The following FAM171A1 variants were observed in gnomAD, a reference collection of about 807,000 sequenced individuals.
The protein encoded by FAM171A1 is family with sequence similarity 171 member A1, also known as protein FAM171A1.
In FAM171A1, 23 loss-of-function variants were observed where a neutral mutation model predicts 74.9. The observed-to-expected ratio is 0.31, with a 90% CI of 0.22 to 0.44. FAM171A1 has a LOEUF of 0.44. FAM171A1 is among the 20% of genes least tolerant of loss of function. The pLI is 1.00. For synonymous variants in FAM171A1, 527 were observed against 505.7 expected (o/e 1.04, Z -0.57); for missense variants, 1,162 against 1,159.2 (o/e 1.00, Z -0.03).
At chr10:15,312,115 A>T (rs1213095892) in intron 1 of FAM171A1, among the ~76,000 whole-genome samples, 1 of 152,206 alleles carries the variant, frequency 6.6e-6, no homozygotes, top group Non-Finnish European at 1.5e-5. Context: ...TGCACTTCCT[A>T]TTATACCAAA....
rs1388621550 is a variant in FAM171A1, at chr10:15,275,932, C to G, written c.341G>C (p.Ser114Thr). Residue 114 changes from serine (S) to threonine (T), a missense_variant, in exon 3 of 8, where the codon AGC (serine) becomes ACC (threonine). By Grantham distance (58) the Ser-to-Thr change is moderately conservative (BLOSUM62 1). Transcript: ENST00000378116. ...AGAGCGTTCTGGAAGCAGGCCAAGG[C>G]TCAGAGAGGAAAATACTGCAGGAAA... ...PIRLPVFSSL[S>T]LGLLPERSAT... 3 of 1,611,274 alleles carry G rather than the reference C, an allele frequency of 1.9e-6. No individual in the cohort carries two copies. The East Asian group carries it at 6.7e-5, about 36-fold the overall frequency.
intron 1 of FAM171A1, among the ~76,000 whole-genome samples, chr10:15,357,138 C>G (rs1043013269): frequency 2.6e-5 from 4 of 151,868 alleles, no homozygotes; most frequent in Admixed American, 6.6e-5. Context: ...AACATATTAG[C>G]CAGGCATGGT....
At chr10:15,221,724 T>A (rs919346939) in intron 5 of FAM171A1, among the ~76,000 whole-genome samples, 1 of 152,132 alleles carries the variant, frequency 6.6e-6, no homozygotes, top group African/African-American at 2.4e-5. Context: ...ATACGTGTCT[T>A]ATAATACACC....
chr10:15,257,932 G>C (rs1389948113), intron 3 of FAM171A1, among the ~76,000 whole-genome samples: 3 of 152,140 alleles, frequency 2.0e-5, no homozygotes, highest in South Asian at 2.1e-4. Context: ...TGATTGGGAG[G>C]GGGTGGCAGG....
intron 1 of FAM171A1, among the ~76,000 whole-genome samples, chr10:15,304,432 C>T (rs954923899): frequency 6.6e-6 from 1 of 152,164 alleles, no homozygotes; most frequent in Non-Finnish European, 1.5e-5. Context: ...CCAGGCCACC[C>T]TTCCCTGCCC....
At chr10:15,319,958 T>C (rs1835467389) in intron 1 of FAM171A1, among the ~76,000 whole-genome samples, 1 of 152,162 alleles carries the variant, frequency 6.6e-6, no homozygotes, top group African/African-American at 2.4e-5. Context: ...TTTTTAAACT[T>C]TTATTTCTTT....
chr10:15,273,993 C>T (rs1834861168), intron 3 of FAM171A1, among the ~76,000 whole-genome samples: 1 of 152,218 alleles, frequency 6.6e-6, no homozygotes. Context: ...GATGCCCTCT[C>T]TCACCACTCC....
Position 15,324,843 on chromosome 10 carries a change from A to G in FAM171A1, c.98-40738T>C, listed in dbSNP as rs371245654. 2.6e-4 allele frequency among the ~76,000 whole-genome samples: 40 copies of G among 152,358 alleles called. 1 individual carries two copies. The highest frequency in any genetic ancestry group is 8.9e-4 in the African/African-American group (37 of 41,594). On this transcript the variant is annotated intron_variant, in intron 1 of 7. Transcript: ENST00000378116. The stretch of plus-strand genomic sequence containing the variant: ...ACAACTTAGTCACGGATTCAGTAAC[A>G]TATCACAGGCAGACCAACTTGTACT...
Position 15,214,454 on chromosome 10 carries a change from G to T in FAM171A1, c.1134C>A (p.Ser378=), listed in dbSNP as rs777868822. 2 of 1,614,028 alleles carry T rather than the reference G, an allele frequency of 1.2e-6. No homozygotes were observed. The highest frequency in any genetic ancestry group is 2.7e-5 in the African/African-American group (2 of 74,932). Residue 378 remains serine (S), a synonymous_variant, in exon 8 of 8, where the codon TCC becomes TCA. Transcript: ENST00000378116. The part of the protein sequence containing the change: ...RRASEFPGPL[S]VTSHGRPEAP... Reference sequence around the variant, plus strand: ...CCTCGGGGCGGCCGTGGCTGGTGACGGACAGCGGGCCAGGGAATTCTGACG... The same window carrying T: ...CCTCGGGGCGGCCGTGGCTGGTGACTGACAGCGGGCCAGGGAATTCTGACG...
intron 1 of FAM171A1, among the ~76,000 whole-genome samples, chr10:15,303,347 ATAAC>A (rs1186595781): frequency 1.3e-5 from 2 of 152,250 alleles, no homozygotes; most frequent in African/African-American, 4.8e-5. Context: ...GGGGGAATAA[ATAAC>A]TACTTTGAAC....
At chr10:15,274,437 T>C (rs945595013) in intron 3 of FAM171A1, among the ~76,000 whole-genome samples, 5 of 152,078 alleles carry the variant, frequency 3.3e-5, no homozygotes, top group Admixed American at 6.5e-5. Context: ...GAAAAATCAA[T>C]ATCGTGAAAA....
At chr10:15,272,093 A>G (rs1261581987) in intron 3 of FAM171A1, among the ~76,000 whole-genome samples, 1 of 152,234 alleles carries the variant, frequency 6.6e-6, no homozygotes, top group Non-Finnish European at 1.5e-5. Flanking sequence ...AGACAGGCAC[A>G]TTGGATAAAC....
At chr10:15,292,009 T>C (rs59913175) in intron 1 of FAM171A1, among the ~76,000 whole-genome samples, 3,828 of 152,248 alleles carry the variant, frequency 0.025, 145 homozygotes, top group African/African-American at 0.087. Flanking sequence ...ACTGGGAAGC[T>C]AAAAAACAAC....
At chr10:15,305,647 A>C (rs1300296100) in intron 1 of FAM171A1, among the ~76,000 whole-genome samples, 1 of 125,802 alleles carries the variant, frequency 7.9e-6, no homozygotes, top group African/African-American at 3.0e-5. Flanking sequence ...AGCCTGGGTG[A>C]CAGAGTGAGA....
intron 1 of FAM171A1, among the ~76,000 whole-genome samples, chr10:15,363,010 T>C (rs999299346): frequency 6.6e-6 from 1 of 152,194 alleles, no homozygotes; most frequent in Non-Finnish European, 1.5e-5. Flanking sequence ...TTTAGCACAC[T>C]GTCTTCATAC....
At chr10:15,311,200 A>G (rs1437423743) in intron 1 of FAM171A1, among the ~76,000 whole-genome samples, 1 of 152,218 alleles carries the variant, frequency 6.6e-6, no homozygotes, top group Admixed American at 6.5e-5. Flanking sequence ...TTTTACACTC[A>G]GGGTCTAAGC....
At chr10:15,363,357 A>T (rs1254429840) in intron 1 of FAM171A1, among the ~76,000 whole-genome samples, 2 of 152,228 alleles carry the variant, frequency 1.3e-5, no homozygotes, top group Non-Finnish European at 2.9e-5. Flanking sequence ...TAAAACTGAG[A>T]TGAAGACGAT....
At position 15,348,343 on chromosome 10, in the gene FAM171A1, G is replaced by A. The variant is rs28607437; in HGVS notation, c.97+22613C>T. ...TGTATAGACAGGGTGTCACCATGCT[G>A]CCCAGGCTGGTCTTGAACTCCTGGG... On this transcript the variant is annotated intron_variant, in intron 1 of 7. Coordinates refer to ENST00000378116, the MANE Select transcript of FAM171A1 (RefSeq NM_001010924.2). Among the ~76,000 whole-genome samples the A allele has an allele frequency of 4.4e-3, 665 of 152,146 alleles. 7 individuals are homozygous for A. The highest frequency in any genetic ancestry group is 0.015 in the African/African-American group (614 of 41,506).
intron 1 of FAM171A1, among the ~76,000 whole-genome samples, chr10:15,331,839 ATGTGTG>A (rs71390030): frequency 1.2e-4 from 13 of 105,842 alleles, no homozygotes; most frequent in South Asian, 4.3e-4. Flanking sequence ...GTGTATATAT[ATGTGTG>A]TATATATATG....
Sources: gnomAD v4.1 joint callset for allele counts (sites outside exome capture counted in the v4.1 genomes callset) on GRCh38, gnomAD v4.1.1 for gene constraint, MANE v1.5 for transcripts, NCBI Gene and HGNC (gene_info 2026-07-23, HGNC 2026-07-21) for gene names.